The following ITGA9 variants were observed in gnomAD, a reference collection of about 807,000 sequenced individuals.
The protein encoded by ITGA9 is integrin alpha-9.
Under a neutral mutation model 127.8 loss-of-function variants are expected in ITGA9, and 56 were observed. The observed-to-expected ratio is 0.44, with a 90% CI of 0.35 to 0.55. The LOEUF (loss-of-function observed/expected upper bound fraction) is 0.55. Among genes scored for constraint, ITGA9 ranks in the 20% least tolerant of loss-of-function variants. The pLI is 0.00. For missense variants in ITGA9, 1,196 were observed against 1,347.1 expected (o/e 0.89, Z 1.76); for synonymous variants, 508 against 514.5 (o/e 0.99, Z 0.17).
Position 37,685,007 on chromosome 3 carries a change from C to T in ITGA9, c.2067+992C>T, listed in dbSNP as rs189184854. 2.1e-3 allele frequency among the ~76,000 whole-genome samples: 324 copies of T among 152,286 alleles called. 2 individuals carry two copies. Among genetic ancestry groups the T allele is most frequent in the Middle Eastern group, 0.01 (3 of 294 alleles). ...GGACAAAAGTCGACTCTGCTCTACC[C>T]AGTGTTGCTCTAACTGCTGATAGCT... On this transcript the variant is annotated intron_variant, in intron 18 of 27. Coordinates refer to ENST00000264741, the MANE Select transcript of ITGA9 (RefSeq NM_002207.3).
intron 15 of ITGA9, among the ~76,000 whole-genome samples, chr3:37,611,315 C>A (rs1313431238): frequency 2.0e-5 from 3 of 152,064 alleles, no homozygotes; most frequent in Non-Finnish European, 2.9e-5. Flanking sequence ...CCATTTATTG[C>A]TTTAGATGTC....
intron 15 of ITGA9, among the ~76,000 whole-genome samples, chr3:37,555,150 G>A (rs116372528): frequency 0.01 from 1,549 of 152,312 alleles, 8 homozygotes; most frequent in Non-Finnish European, 0.016. Context: ...GAAGAAGTGG[G>A]ACATGCAAAG....
At chr3:37,733,367 T>C (rs1159368011) in intron 19 of ITGA9, among the ~76,000 whole-genome samples, 2 of 152,080 alleles carry the variant, frequency 1.3e-5, no homozygotes, top group Admixed American at 1.3e-4. Flanking sequence ...TCATGGAACA[T>C]TGTAGTATGT....
At chr3:37,464,517 T>G (rs952813622) in intron 1 of ITGA9, among the ~76,000 whole-genome samples, 6 of 152,186 alleles carry the variant, frequency 3.9e-5, no homozygotes, top group African/African-American at 1.4e-4. Flanking sequence ...GAAACCTTCT[T>G]AGGTACACTT....
chr3:37,529,009 G>A (rs1385967153), intron 13 of ITGA9, among the ~76,000 whole-genome samples: 2 of 92,788 alleles, frequency 2.2e-5, no homozygotes, highest in African/African-American at 8.5e-5. Context: ...GGAATATACA[G>A]TATGGACTCT....
chr3:37,668,270 C>T (rs1700604385), intron 17 of ITGA9, among the ~76,000 whole-genome samples: 1 of 152,200 alleles, frequency 6.6e-6, no homozygotes. Context: ...TGGCCACGTG[C>T]TCATAGCGGC....
chr3:37,539,473 T>TG (rs1456885568), intron 14 of ITGA9, among the ~76,000 whole-genome samples: 1 of 152,158 alleles, frequency 6.6e-6, no homozygotes. Context: ...TCTGAATTCT[T>TG]GGGGGCAGGC....
At chr3:37,490,817 A>G (rs1698662352) in intron 4 of ITGA9, among the ~76,000 whole-genome samples, 1 of 152,206 alleles carries the variant, frequency 6.6e-6, no homozygotes, top group Admixed American at 6.5e-5. Flanking sequence ...TGGAGGAGCC[A>G]TACGACTTAA....
chr3:37,512,027 T>C lies in ITGA9; in HGVS notation c.898-1736T>C, dbSNP rs1443894339. 1.3e-3 allele frequency among the ~76,000 whole-genome samples: 45 copies of C among 33,644 alleles called. 3 individuals carry two copies. The highest frequency in any genetic ancestry group is 2.2e-3 in the Admixed American group (5 of 2,270). The allele number at this position is 33,644 out of a possible 152,430, so 22.1% of individuals were successfully genotyped here. The stretch of plus-strand genomic sequence containing the variant: ...TCTTTTCTTTTCTTTTCTTTTCTTT[T>C]CTTTCTTTCTTTCTTTCTTTCTTTC... On this transcript the variant is annotated intron_variant, in intron 8 of 27. Coordinates refer to ENST00000264741, the MANE Select transcript of ITGA9 (RefSeq NM_002207.3).
intron 7 of ITGA9, among the ~76,000 whole-genome samples, 177 bp downstream of exon 7, chr3:37,506,262 C>T (rs1698842806): frequency 6.6e-6 from 1 of 152,068 alleles, no homozygotes; most frequent in African/African-American, 2.4e-5. Context: ...CTTGAAAGCT[C>T]AATTAGAGTG....
chr3:37,494,621 T>G, intron 5 of ITGA9, 53 bp downstream of exon 5: 1 of 1,493,070 alleles, frequency 6.7e-7, no homozygotes, highest in Non-Finnish European at 9.3e-7. Flanking sequence ...TTCATTTCCT[T>G]GCTTATATGA....
At chr3:37,488,291 C>T (rs1320843155) in intron 4 of ITGA9, among the ~76,000 whole-genome samples, 1 of 151,970 alleles carries the variant, frequency 6.6e-6, no homozygotes, top group African/African-American at 2.4e-5. Flanking sequence ...CTGGGGTTCT[C>T]ACTGAAATGT....
At chr3:37,645,528 C>T (rs578195092) in intron 16 of ITGA9, among the ~76,000 whole-genome samples, 2 of 152,186 alleles carry the variant, frequency 1.3e-5, no homozygotes, top group South Asian at 4.1e-4. Context: ...CGTGCCACTG[C>T]ACTCCAGCTT....
intron 15 of ITGA9, among the ~76,000 whole-genome samples, chr3:37,545,639 C>T (rs1699319103): frequency 6.6e-6 from 1 of 152,234 alleles, no homozygotes; most frequent in South Asian, 2.1e-4. Flanking sequence ...TCCTTGGCTT[C>T]TCTGCCTCAG....
intron 15 of ITGA9, among the ~76,000 whole-genome samples, chr3:37,601,256 C>T (rs1434693906): frequency 1.3e-5 from 2 of 152,210 alleles, no homozygotes; most frequent in Non-Finnish European, 2.9e-5. Flanking sequence ...TCCGTGACAT[C>T]TTTGCTGAAC....
chr3:37,519,702 A>AT (rs368858582), intron 11 of ITGA9, among the ~76,000 whole-genome samples: 6,873 of 152,292 alleles, frequency 0.045, 425 homozygotes, highest in African/African-American at 0.14. Flanking sequence ...AATATGTTTT[A>AT]ATATATAATC....
intron 18 of ITGA9, among the ~76,000 whole-genome samples, chr3:37,704,284 G>A (rs1487936957): frequency 6.6e-6 from 1 of 152,080 alleles, no homozygotes; most frequent in East Asian, 1.9e-4. Context: ...CACAGACCCA[G>A]CTCCCCACCA....
intron 17 of ITGA9, among the ~76,000 whole-genome samples, chr3:37,674,418 G>C (rs942308391): frequency 1.3e-5 from 2 of 152,216 alleles, no homozygotes; most frequent in African/African-American, 2.4e-5. Context: ...GCTGAGAGCA[G>C]CCTCTTACAG....
intron 12 of ITGA9, among the ~76,000 whole-genome samples, chr3:37,523,848 A>G (rs1045635296): frequency 6.6e-5 from 10 of 152,200 alleles, no homozygotes; most frequent in Non-Finnish European, 1.0e-4. Context: ...GGATTTGTGT[A>G]GTGGTTTCTG....
Sources: allele counts gnomAD v4.1 joint callset (sites outside exome capture counted in the v4.1 genomes callset), GRCh38; gene constraint gnomAD v4.1.1; transcripts MANE v1.5; gene names NCBI Gene and HGNC (gene_info 2026-07-23, HGNC 2026-07-21).